Variants in GRIA1 observed in about 807,000 individuals in gnomAD.
GRIA1 encodes glutamate ionotropic receptor AMPA type subunit 1, also known as glutamate receptor 1.
In GRIA1, 31 loss-of-function variants were observed where a neutral mutation model predicts 99.2. The ratio of observed to expected loss-of-function variants is 0.31; its 90% CI spans 0.23 to 0.42. The LOEUF (loss-of-function observed/expected upper bound fraction) is 0.42, where lower values mean the gene tolerates loss of function less well. GRIA1 is among the 10% of genes least tolerant of loss of function. The pLI is 1.00. For synonymous variants in GRIA1, 438 were observed against 432.4 expected, an observed-to-expected ratio of 1.01 and a Z score of -0.16; for missense variants, 782 against 1,157.5, an observed-to-expected ratio of 0.68 and a Z score of 4.71.
intron 13 of GRIA1, among the ~76,000 whole-genome samples, chr5:153,778,726 C>T (rs1425707922): frequency 1.3e-5 from 2 of 151,444 alleles, no homozygotes; most frequent in Non-Finnish European, 2.9e-5. Context: ...CCTGCCCAAC[C>T]AATATACAAA....
intron 2 of GRIA1, among the ~76,000 whole-genome samples, chr5:153,635,342 G>A (rs1291335217): frequency 2.0e-5 from 3 of 152,212 alleles, no homozygotes; most frequent in African/African-American, 2.4e-5. Flanking sequence ...GGGGATTGCG[G>A]AGATGACTGG....
chr5:153,489,904 G>A (rs765299754), upstream of GRIA1: 156 of 451,640 alleles, frequency 3.5e-4, 6 homozygotes, highest in Non-Finnish European at 2.7e-4. Context: ...GTGGAATGCA[G>A]GGAAAGAGAG....
At chr5:153,768,384 C>T (rs1381794300) in intron 12 of GRIA1, among the ~76,000 whole-genome samples, 10 of 152,026 alleles carry the variant, frequency 6.6e-5, no homozygotes, top group African/African-American at 2.4e-4. Context: ...GAAACTAAGG[C>T]CCAAAGAGAA....
At chr5:153,795,592 T>C in intron 14 of GRIA1, 1 of 1,554,580 alleles carries the variant, frequency 6.4e-7, no homozygotes, top group Non-Finnish European at 8.9e-7. Context: ...GGAAGTAAGG[T>C]CAGTCACCGG....
In GRIA1 at chr5:153,698,885, C is replaced by A. The variant is rs764535889; in HGVS notation, c.1264C>A (p.Leu422Ile). 5.0e-6 allele frequency: 8 copies of A among 1,612,074 alleles called. No homozygotes were observed. Among genetic ancestry groups the A allele is most frequent in the African/African-American group, 1.3e-5 (1 of 74,890 alleles). Residue 422 changes from leucine (L) to isoleucine (I), a missense_variant, in exon 10 of 16, where the codon CTC becomes ATC. Transcript: ENST00000285900. ...TTILEDPYVM[L>I]KKNANQFEGN... ...CTTCCAGGAAGATCCTTATGTGATG[C>A]TCAAGAAGAACGCCAATCAGTTTGA...
At chr5:153,793,589 T>G (rs1278603753) in intron 13 of GRIA1, among the ~76,000 whole-genome samples, 1 of 152,228 alleles carries the variant, frequency 6.6e-6, no homozygotes, top group Non-Finnish European at 1.5e-5. Context: ...TGTTCCAGCC[T>G]GTGGCTCATG....
intron 11 of GRIA1, among the ~76,000 whole-genome samples, chr5:153,733,584 G>C (rs951962386): frequency 1.3e-5 from 2 of 152,080 alleles, no homozygotes; most frequent in Non-Finnish European, 2.9e-5. Flanking sequence ...GAATAAAAAA[G>C]CAAGACCCAA....
intron 13 of GRIA1, among the ~76,000 whole-genome samples, chr5:153,782,982 G>A (rs1764733199): frequency 6.6e-6 from 1 of 152,180 alleles, no homozygotes; most frequent in African/African-American, 2.4e-5. Context: ...AGGTGGTAGT[G>A]GAAAGGGAGA....
At chr5:153,717,827 G>A (rs902781094) in intron 11 of GRIA1, among the ~76,000 whole-genome samples, 3 of 152,168 alleles carry the variant, frequency 2.0e-5, no homozygotes, top group African/African-American at 4.8e-5. Context: ...GGCACTTGGG[G>A]GAACCCACTG....
At chr5:153,685,757 C>G (rs1757295712) in intron 7 of GRIA1, among the ~76,000 whole-genome samples, 3 of 152,216 alleles carry the variant, frequency 2.0e-5, no homozygotes, top group African/African-American at 7.2e-5. Flanking sequence ...AAGAAGCCAT[C>G]TCCAAGCATA....
chr5:153,659,328 T>C (rs964529873), intron 5 of GRIA1, among the ~76,000 whole-genome samples: 2 of 152,236 alleles, frequency 1.3e-5, no homozygotes, highest in African/African-American at 2.4e-5. Context: ...TTTATTTCCA[T>C]AGCATTGGTG....
intron 2 of GRIA1, among the ~76,000 whole-genome samples, chr5:153,544,784 C>T (rs951373540): frequency 8.6e-5 from 13 of 151,986 alleles, no homozygotes; most frequent in African/African-American, 2.9e-4. Flanking sequence ...CAGAAAATGA[C>T]GTTGGTGATA....
chr5:153,624,259 G>A (rs150209886), intron 2 of GRIA1, among the ~76,000 whole-genome samples: 1 of 152,316 alleles, frequency 6.6e-6, no homozygotes, highest in African/African-American at 2.4e-5. Context: ...ATTGTCCCCA[G>A]GAAGAATGTT....
intron 1 of GRIA1, 94 bp downstream of exon 1, chr5:153,491,064 TG>T: frequency 1.6e-6 from 2 of 1,243,338 alleles, no homozygotes; most frequent in South Asian, 2.4e-5. Flanking sequence ...CGGTACTGAC[TG>T]TTTTGCTTGG....
At chr5:153,810,884 G>A (rs1215959656) in intron 15 of GRIA1, 141 bp from the exon 16 acceptor site, 2 of 649,906 alleles carry the variant, frequency 3.1e-6, no homozygotes, top group Non-Finnish European at 5.5e-6. Context: ...TTCCTGAGAA[G>A]TCAGAATTAG....
intron 5 of GRIA1, among the ~76,000 whole-genome samples, chr5:153,673,953 C>T (rs1004996324): frequency 1.3e-5 from 2 of 152,204 alleles, no homozygotes; most frequent in African/African-American, 4.8e-5. Context: ...GATCAGAACT[C>T]GGCCTCTTCC....
At chr5:153,722,108 C>G (rs1241873233) in intron 11 of GRIA1, among the ~76,000 whole-genome samples, 1 of 152,174 alleles carries the variant, frequency 6.6e-6, no homozygotes, top group Admixed American at 6.5e-5. Context: ...ATTTGAGTAG[C>G]TATCCTCTTT....
chr5:153,666,949 T>C (rs1052204348), intron 5 of GRIA1, among the ~76,000 whole-genome samples: 1 of 152,174 alleles, frequency 6.6e-6, no homozygotes, highest in Non-Finnish European at 1.5e-5. Context: ...ATCCTTCACT[T>C]ACTTTCTTGG....
At chr5:153,594,820 T>A (rs1281269244) in intron 2 of GRIA1, among the ~76,000 whole-genome samples, 1 of 151,776 alleles carries the variant, frequency 6.6e-6, no homozygotes, top group African/African-American at 2.4e-5. Context: ...TCTGCTTGGC[T>A]GAAAAAGAGG....
Sources: gnomAD v4.1 joint callset for allele counts (sites outside exome capture counted in the v4.1 genomes callset) on GRCh38, gnomAD v4.1.1 for gene constraint, MANE v1.5 for transcripts, NCBI Gene and HGNC (gene_info 2026-07-23, HGNC 2026-07-21) for gene names.